The following PCCA variants were observed in gnomAD, a reference collection of about 807,000 sequenced individuals.
The protein encoded by PCCA is propionyl-CoA carboxylase subunit alpha.
PCCA carries 74 observed loss-of-function variants against 101.3 expected under a neutral mutation model. That is an observed-to-expected ratio of 0.73 (90% CI 0.61 to 0.89). The LOEUF (loss-of-function observed/expected upper bound fraction) is 0.89, where lower values mean the gene tolerates loss of function less well. Ranked by LOEUF, PCCA falls within the 40% of genes least tolerant of loss-of-function variation. The probability of loss-of-function intolerance (pLI) is 0.00; values close to 1 mark genes in which losing one functional copy is unlikely to be tolerated. For synonymous variants in PCCA, 294 were observed against 313.6 expected (o/e 0.94, Z 0.66); for missense variants, 891 against 907.0 (o/e 0.98, Z 0.23).
chr13:100,463,930 A>G (rs1454608292), intron 21 of PCCA, among the ~76,000 whole-genome samples: 1 of 152,216 alleles, frequency 6.6e-6, no homozygotes, highest in African/African-American at 2.4e-5. Flanking sequence ...ATTTCAAAGT[A>G]TCTCAGGATC....
intron 18 of PCCA, among the ~76,000 whole-genome samples, chr13:100,364,999 T>C (rs2075024508): frequency 6.6e-6 from 1 of 152,168 alleles, no homozygotes; most frequent in African/African-American, 2.4e-5. Context: ...CAGTGAGCTA[T>C]GATTGGGCCA....
intron 4 of PCCA, among the ~76,000 whole-genome samples, chr13:100,153,420 G>A (rs1307469087): frequency 6.6e-6 from 1 of 152,170 alleles, no homozygotes; most frequent in Non-Finnish European, 1.5e-5. Context: ...GAAACTTGGA[G>A]TCCATCTTCT....
chr13:100,191,606 AC>A (rs1455097577), intron 6 of PCCA, among the ~76,000 whole-genome samples: 1 of 152,222 alleles, frequency 6.6e-6, no homozygotes, highest in Non-Finnish European at 1.5e-5. Context: ...TTTATACTCC[AC>A]TGCTTCTAAT....
intron 8 of PCCA, among the ~76,000 whole-genome samples, chr13:100,253,850 C>T (rs905038594): frequency 4.1e-5 from 5 of 121,132 alleles, no homozygotes; most frequent in Non-Finnish European, 9.6e-5. Context: ...GGCACTAGAG[C>T]CTGATTTTTT....
At position 100,523,153 on chromosome 13, in the gene PCCA, C is replaced by T. The variant is rs538017144; in HGVS notation, c.2041-4522C>T. Reference sequence around the variant, plus strand: ...CATGTTTTCTGAGAGGGGGCATGTGCGGGAGAAGGTTCTCTGTCTTTTAAT... The same window carrying T: ...CATGTTTTCTGAGAGGGGGCATGTGTGGGAGAAGGTTCTCTGTCTTTTAAT... On this transcript the variant is annotated intron_variant, in intron 22 of 23. Coordinates refer to ENST00000376285, the MANE Select transcript of PCCA (RefSeq NM_000282.4). 6.6e-5 allele frequency among the ~76,000 whole-genome samples: 10 copies of T among 152,178 alleles called. No homozygotes were observed. The East Asian group carries it at 1.2e-3, about 18-fold the overall frequency.
chr13:100,276,323 C>G (rs528767459), intron 12 of PCCA, among the ~76,000 whole-genome samples: 2 of 151,366 alleles, frequency 1.3e-5, no homozygotes, highest in South Asian at 4.1e-4. Context: ...GACTTCCCCA[C>G]TCATTCTGCA....
intron 6 of PCCA, among the ~76,000 whole-genome samples, chr13:100,183,820 G>A (rs1594594184): frequency 6.6e-6 from 1 of 152,160 alleles, no homozygotes; most frequent in Non-Finnish European, 1.5e-5. Context: ...TACCATTCAA[G>A]CTTTCCAGAA....
At chr13:100,332,428 A>T (rs2152738244) in intron 17 of PCCA, among the ~76,000 whole-genome samples, 1 of 152,304 alleles carries the variant, frequency 6.6e-6, no homozygotes, top group East Asian at 1.9e-4. Context: ...AAGATAGGAA[A>T]CAGTGGGCAG....
chr13:100,311,343 C>T (rs560816987), intron 16 of PCCA, among the ~76,000 whole-genome samples: 7 of 152,204 alleles, frequency 4.6e-5, no homozygotes, highest in Non-Finnish European at 1.0e-4. Flanking sequence ...ATAGTCTCTG[C>T]CTTATAAATT....
intron 20 of PCCA, among the ~76,000 whole-genome samples, chr13:100,440,201 TATATATATAA>T (rs2080261246): frequency 2.5e-5 from 2 of 78,616 alleles, no homozygotes; most frequent in African/African-American, 5.8e-5. Flanking sequence ...TATATATATA[TATATATATAA>T]AACGTGATAA....
At chr13:100,251,274 C>T (rs1005900661) in intron 8 of PCCA, among the ~76,000 whole-genome samples, 36 of 152,108 alleles carry the variant, frequency 2.4e-4, no homozygotes, top group African/African-American at 6.8e-4. Context: ...AAGTTCCAGA[C>T]AACAAGTACA....
At chr13:100,132,027 A>G (rs539284932) in intron 4 of PCCA, among the ~76,000 whole-genome samples, 2 of 152,172 alleles carry the variant, frequency 1.3e-5, no homozygotes, top group Non-Finnish European at 2.9e-5. Flanking sequence ...AAGCTGGGAG[A>G]GGACAATACT....
chr13:100,232,351 C>CGCGTGTGT (rs1555387986), intron 7 of PCCA, among the ~76,000 whole-genome samples: 1 of 131,180 alleles, frequency 7.6e-6, no homozygotes, highest in African/African-American at 2.9e-5. Flanking sequence ...TGTGTGTATG[C>CGCGTGTGT]GTGTGTGTGT....
At chr13:100,483,046 A>G (rs2084074372) in intron 21 of PCCA, among the ~76,000 whole-genome samples, 1 of 152,214 alleles carries the variant, frequency 6.6e-6, no homozygotes, top group Non-Finnish European at 1.5e-5. Context: ...GGCGTACTCC[A>G]TATCCCTGAA....
intron 20 of PCCA, among the ~76,000 whole-genome samples, chr13:100,429,662 A>T (rs562612663): frequency 2.6e-4 from 39 of 152,060 alleles, no homozygotes; most frequent in Non-Finnish European, 5.3e-4. Context: ...GCTGGAGTGC[A>T]GTGGTACGAT....
chr13:100,510,909 C>T (rs908162413), intron 21 of PCCA, among the ~76,000 whole-genome samples: 5 of 152,226 alleles, frequency 3.3e-5, no homozygotes, highest in East Asian at 1.9e-4. Flanking sequence ...TGTCCATGTC[C>T]GCTCCTTTGC....
At chr13:100,227,146 G>T (rs2060191678) in intron 7 of PCCA, among the ~76,000 whole-genome samples, 1 of 147,146 alleles carries the variant, frequency 6.8e-6, no homozygotes, top group Admixed American at 6.8e-5. Flanking sequence ...TAATTTTTTT[G>T]TTTTTTTTTT....
chr13:100,145,099 A>T (rs2052363967), intron 4 of PCCA, among the ~76,000 whole-genome samples: 1 of 152,250 alleles, frequency 6.6e-6, no homozygotes, highest in East Asian at 1.9e-4. Context: ...TCTGTATATC[A>T]ACAGAGAACA....
Position 100,512,199 on chromosome 13 carries a change from G to A in PCCA, c.1900-3228G>A, listed in dbSNP as rs957675699. Among the ~76,000 whole-genome samples the A allele has an allele frequency of 3.9e-5, 6 of 152,170 alleles. No homozygotes were observed. In the South Asian group the frequency reaches 1.0e-3, roughly 26 times the overall value. ...TGTTTCTTGTCATTGTCCTGCTCTT[G>A]TGGCCTTCCTCCTGACCCTTTCATG... On this transcript the variant is annotated intron_variant, in intron 21 of 23. Transcript: ENST00000376285.
Sources: allele counts gnomAD v4.1 joint callset (sites outside exome capture counted in the v4.1 genomes callset), GRCh38; gene constraint gnomAD v4.1.1; transcripts MANE v1.5; gene names NCBI Gene and HGNC (gene_info 2026-07-23, HGNC 2026-07-21).